The following SANBR variants were observed in gnomAD, a reference collection of about 807,000 sequenced individuals.
SANBR encodes SANT and BTB domain regulator of CSR, also known as SANT and BTB domain regulator of class switch recombination.
SANBR carries 77 observed loss-of-function variants against 101.8 expected under a neutral mutation model. That is an observed-to-expected ratio of 0.76 (90% CI 0.63 to 0.91). SANBR has a LOEUF of 0.91. Ranked by LOEUF, SANBR falls within the 40% of genes least tolerant of loss-of-function variation. SANBR has a pLI of 0.00. For synonymous variants in SANBR, 279 were observed against 274.7 expected, an observed-to-expected ratio of 1.02 and a Z score of -0.15; for missense variants, 875 against 853.0, an observed-to-expected ratio of 1.03 and a Z score of -0.32.
rs113921890 is a variant in SANBR, at chr2:61,092,736, C to G, written c.1212+149C>G. ...CTAGTGGCAGCTGGGCATGGTGGCT[C>G]GTGCCTGTAATCCCAGCACATTTAG... On this transcript the variant is annotated intron_variant, in intron 11 of 21. Coordinates refer to ENST00000402291, the MANE Select transcript of SANBR (RefSeq NM_001129993.3). 4.2e-4 allele frequency: 257 copies of G among 607,320 alleles called. No homozygotes were observed. In the African/African-American group the frequency reaches 4.4e-3, roughly 10 times the overall value. The allele number at this position is 607,320 out of a possible 1,614,324, so 37.6% of individuals were successfully genotyped here.
chr2:61,090,968 G>T (rs1249077320), intron 10 of SANBR, among the ~76,000 whole-genome samples: 3 of 150,456 alleles, frequency 2.0e-5, no homozygotes. Context: ...GAGTGCAATG[G>T]CACAATCTTG....
chr2:61,070,278 G>T, intron 2 of SANBR, 64 bp from the exon 3 acceptor site: 1 of 1,217,480 alleles, frequency 8.2e-7, no homozygotes, highest in South Asian at 1.6e-5. Flanking sequence ...TAACTGATCT[G>T]TAATGTTCTG....
chr2:61,085,511 ACTGT>A (rs899642180), intron 8 of SANBR, among the ~76,000 whole-genome samples: 2 of 149,956 alleles, frequency 1.3e-5, no homozygotes, highest in African/African-American at 4.9e-5. Flanking sequence ...ACACTGTTAC[ACTGT>A]CTTTTTTTTT....
chr2:61,076,434 G>A (rs1221611378), intron 5 of SANBR, among the ~76,000 whole-genome samples: 1 of 146,248 alleles, frequency 6.8e-6, no homozygotes, highest in South Asian at 2.2e-4. Flanking sequence ...TGGCTAACAC[G>A]GTGAAACCCC....
At chr2:61,084,277 A>G (rs1050714436) in intron 8 of SANBR, among the ~76,000 whole-genome samples, 2 of 152,176 alleles carry the variant, frequency 1.3e-5, no homozygotes, top group African/African-American at 4.8e-5. Context: ...TTTAGAATAT[A>G]TTTAGAAATA....
chr2:61,117,183 A>G, intron 17 of SANBR, 174 bp from the exon 18 acceptor site: 1 of 624,958 alleles, frequency 1.6e-6, no homozygotes, highest in Non-Finnish European at 2.8e-6. Flanking sequence ...TTATGAAGAT[A>G]TTAATAGTGC....
chr2:61,133,914 C>T (rs770653292), intron 20 of SANBR, among the ~76,000 whole-genome samples: 7 of 152,084 alleles, frequency 4.6e-5, no homozygotes, highest in Non-Finnish European at 7.3e-5. Flanking sequence ...CTGGATTGTA[C>T]CATTTAAATG....
intron 13 of SANBR, among the ~76,000 whole-genome samples, chr2:61,106,338 C>G (rs1274672669): frequency 7.1e-6 from 1 of 141,018 alleles, no homozygotes; most frequent in Non-Finnish European, 1.5e-5. Flanking sequence ...TTGCAGTGAG[C>G]CAAGATCATG....
At chr2:61,079,779 T>C (rs1018577587) in intron 6 of SANBR, among the ~76,000 whole-genome samples, 2 of 152,120 alleles carry the variant, frequency 1.3e-5, no homozygotes, top group Non-Finnish European at 2.9e-5. Context: ...CGTGTGCCTG[T>C]AGTCCCAGCT....
At chr2:61,089,076 A>C in intron 10 of SANBR, 3 of 979,638 alleles carry the variant, frequency 3.1e-6, no homozygotes, top group Non-Finnish European at 3.6e-6. Context: ...TTTCACTAAC[A>C]GATTTTAGTT....
chr2:61,071,361 C>G (rs925996190), intron 3 of SANBR, among the ~76,000 whole-genome samples: 4 of 151,780 alleles, frequency 2.6e-5, no homozygotes, highest in Middle Eastern at 3.2e-3. Context: ...CCAGCCTGAC[C>G]AATATAGTGA....
chr2:61,103,788 CAG>C, intron 12 of SANBR, 63 bp from the exon 13 acceptor site: 1 of 1,439,748 alleles, frequency 6.9e-7, no homozygotes, highest in Admixed American at 2.0e-5. Flanking sequence ...AAAAGAAAAA[CAG>C]TGATCTTTAA....
intron 6 of SANBR, among the ~76,000 whole-genome samples, chr2:61,081,088 TAAC>T (rs964967458): frequency 1.3e-5 from 2 of 152,216 alleles, no homozygotes; most frequent in African/African-American, 2.4e-5. Flanking sequence ...GCTTTTCTAA[TAAC>T]AAATGCTCTC....
At chr2:61,076,656 A>C (rs1681801453) in intron 5 of SANBR, among the ~76,000 whole-genome samples, 1 of 151,742 alleles carries the variant, frequency 6.6e-6, no homozygotes, top group South Asian at 2.1e-4. Context: ...AGAAAAAGAA[A>C]TTAGAAATTT....
At chr2:61,091,991 A>G (rs1682786392) in intron 10 of SANBR, among the ~76,000 whole-genome samples, 1 of 152,242 alleles carries the variant, frequency 6.6e-6, no homozygotes, top group African/African-American at 2.4e-5. Context: ...TAAAGTACTA[A>G]TACATGAATG....
intron 6 of SANBR, among the ~76,000 whole-genome samples, chr2:61,078,721 C>T (rs576128795): frequency 3.2e-4 from 48 of 152,116 alleles, no homozygotes; most frequent in Admixed American, 7.2e-4. Context: ...GGCGCCCGAC[C>T]TAATATTTTT....
At chr2:61,127,554 T>C (rs1684548904), downstream of SANBR, among the ~76,000 whole-genome samples, 1 of 152,188 alleles carries the variant, frequency 6.6e-6, no homozygotes, top group Non-Finnish European at 1.5e-5. Flanking sequence ...CACTGCAGCG[T>C]TTTATGGGGA....
In SANBR at chr2:61,116,035, C is replaced by T; in HGVS notation, c.1801C>T (p.Pro601Ser). The T allele has an allele frequency of 6.2e-7, 1 of 1,611,694 alleles. No homozygotes were observed. The highest frequency in any genetic ancestry group is 8.5e-7 in the Non-Finnish European group (1 of 1,179,238). ...ACAACCAAAAAAGCAGGTATCTTCA[C>T]CCTGTGCCCAGAGGAAAGAAAAGGC... ...TRQPKKQVSSPCAQRKEKALE... is the reference protein window; with the variant it reads ...TRQPKKQVSSSCAQRKEKALE... The change falls in exon 17 of 22, where the codon CCC (proline) becomes TCC (serine). Residue 601 changes from proline (P) to serine (S), a missense_variant. Coordinates refer to ENST00000402291, the MANE Select transcript of SANBR (RefSeq NM_001129993.3).
At chr2:61,075,633 C>G (rs1376955303) in intron 5 of SANBR, among the ~76,000 whole-genome samples, 1 of 152,108 alleles carries the variant, frequency 6.6e-6, no homozygotes, top group Non-Finnish European at 1.5e-5. Context: ...GTCATTTAAA[C>G]TTGTGCTTAA....
Sources: gnomAD v4.1 joint callset for allele counts (sites outside exome capture counted in the v4.1 genomes callset) on GRCh38, gnomAD v4.1.1 for gene constraint, MANE v1.5 for transcripts, NCBI Gene and HGNC (gene_info 2026-07-23, HGNC 2026-07-21) for gene names.